The following SEC14L2 variants were observed in gnomAD, a reference collection of about 807,000 sequenced individuals.
SEC14L2 encodes SEC14 like lipid binding 2, also known as SEC14-like protein 2.
A neutral mutation model predicts 56.9 loss-of-function variants in SEC14L2; 50 were observed. That is an observed-to-expected ratio of 0.88 (90% CI 0.70 to 1.11). SEC14L2 has a LOEUF of 1.11. SEC14L2 is among the 50% of genes most tolerant of loss of function. The pLI, the probability that SEC14L2 is intolerant of heterozygous loss-of-function variation, is 0.00. For synonymous variants in SEC14L2, 179 were observed against 188.5 expected (o/e 0.95, Z 0.41); for missense variants, 414 against 500.7 (o/e 0.83, Z 1.65).
Position 30,415,976 on chromosome 22 carries a change from A to C in SEC14L2, c.800A>C (p.Lys267Thr), listed in dbSNP as rs1934378562. ...AACTACGGGGGTGACATCCCCAGGA[A>C]GTATTATGTGCGAGACCAGGTGAAA... ...KINYGGDIPR[K>T]YYVRDQVKQQ... Residue 267 changes from lysine to threonine, a missense_variant, in exon 10 of 12, where the codon AAG (lysine) becomes ACG (threonine). Transcript: ENST00000615189. 1.2e-6 allele frequency: 2 copies of C among 1,614,076 alleles called. No individual in the cohort carries two copies. The highest frequency in any genetic ancestry group is 1.1e-5 in the South Asian group (1 of 91,086).
At position 30,407,538 on chromosome 22, in the gene SEC14L2, C is replaced by T; in HGVS notation, c.358C>T (p.Leu120=). ...GCTGTTCTCAGCCTCCAAACAGGAC[C>T]TGCTGAGGACCAAGATGCGGGAGTG... ...GLLFSASKQD[L]LRTKMRECEL... The change falls in exon 5 of 12, where the codon CTG becomes TTG. Residue 120 remains leucine (L), a synonymous_variant. Coordinates refer to ENST00000615189, the MANE Select transcript of SEC14L2 (RefSeq NM_012429.5). The T allele has an allele frequency of 1.2e-6, 2 of 1,614,136 alleles. No individual in the cohort carries two copies. The highest frequency in any genetic ancestry group is 1.7e-6 in the Non-Finnish European group (2 of 1,180,010).
Position 30,410,820 on chromosome 22 carries a change from G to A in SEC14L2, c.664+141G>A, listed in dbSNP as rs570354515. ...GCAGTGGGACCCAGGAGCAAGCTGG[G>A]GTGGAGCTAGTGCCTTCTTCTGTTT... On this transcript the variant is annotated intron_variant, in intron 8 of 11. Coordinates refer to ENST00000615189, the MANE Select transcript of SEC14L2 (RefSeq NM_012429.5). 9.3e-5 allele frequency: 66 copies of A among 711,518 alleles called. No individual in the cohort carries two copies. In the African/African-American group the frequency reaches 1.0e-3, roughly 11 times the overall value. 44.1% of individuals were successfully genotyped at this position (711,518 alleles called of 1,614,324 possible).
intron 2 of SEC14L2, among the ~76,000 whole-genome samples, 173 bp from the exon 3 acceptor site, chr22:30,406,169 G>T (rs1034021744): frequency 2.0e-5 from 3 of 151,896 alleles, no homozygotes; most frequent in Admixed American, 2.0e-4. Flanking sequence ...TGGTGCCCCA[G>T]AAGTTCTCAG....
chr22:30,406,238 G>A (rs2146018838), intron 2 of SEC14L2, 104 bp from the exon 3 acceptor site: 1 of 1,081,344 alleles, frequency 9.2e-7, no homozygotes, highest in East Asian at 2.4e-5. Flanking sequence ...CTGGAGAGAT[G>A]ACTGAGAGGA....
chr22:30,407,631 AG>A, intron 5 of SEC14L2, 28 bp downstream of exon 5: 1 of 1,601,238 alleles, frequency 6.2e-7, no homozygotes, highest in Non-Finnish European at 8.5e-7. Context: ...GCTAGAAATG[AG>A]TTGACCACAG....
chr22:30,397,048 T>G lies in SEC14L2; in HGVS notation c.-69T>G. 7.2e-7 allele frequency: 1 copy of G among 1,385,824 alleles called. No homozygotes were observed. Among genetic ancestry groups the G allele is most frequent in the Non-Finnish European group, 1.0e-6 (1 of 1,000,322 alleles). 85.8% of individuals were successfully genotyped at this position (1,385,824 alleles called of 1,614,324 possible). The stretch of plus-strand genomic sequence containing the variant: ...TACTCCGGGTGGCGGCGAGGACGAG[T>G]CTGTGCTCCATCAGCTGCCGCACCC... On this transcript the variant is annotated 5_prime_UTR_variant, in exon 1 of 12. Transcript: ENST00000615189.
intron 8 of SEC14L2, among the ~76,000 whole-genome samples, chr22:30,411,912 G>A (rs557791002): frequency 4.6e-5 from 7 of 152,264 alleles, no homozygotes; most frequent in Admixed American, 1.3e-4. Flanking sequence ...GGAAGGGGGT[G>A]ATGCCTACCT....
rs1934614690 is a variant in SEC14L2, at chr22:30,424,436, G to C, written c.*2029G>C. 5.9e-6 allele frequency: 2 copies of C among 339,126 alleles called. No homozygotes were observed. Among genetic ancestry groups the C allele is most frequent in the African/African-American group, 4.3e-5 (2 of 46,296 alleles). The allele number at this position is 339,126 out of a possible 1,614,324, so 21.0% of individuals were successfully genotyped here. A position where few individuals can be genotyped will look rare whatever the true frequency, so the allele number is the denominator to read the frequency against. ...ACAGAGGCGCCTAGGGCTGAAAGCG[G>C]GGGCCTCCGTAGGGAGCCAGCGGGG... is the stretch of plus-strand genomic sequence containing the variant. On this transcript the variant is annotated 3_prime_UTR_variant, in exon 12 of 12. Coordinates refer to ENST00000615189, the MANE Select transcript of SEC14L2 (RefSeq NM_012429.5).
chr22:30,411,281 A>G (rs998498489), intron 8 of SEC14L2, among the ~76,000 whole-genome samples: 2 of 151,984 alleles, frequency 1.3e-5, no homozygotes, highest in African/African-American at 4.8e-5. Flanking sequence ...ACCTAGAGAG[A>G]GAAAGCTATG....
intron 8 of SEC14L2, among the ~76,000 whole-genome samples, chr22:30,411,299 C>G (rs1424064916): frequency 6.6e-6 from 1 of 151,898 alleles, no homozygotes; most frequent in African/African-American, 2.4e-5. Context: ...ATGATATAAA[C>G]TAGAAAAGAC....
At position 30,409,184 on chromosome 22, in the gene SEC14L2, C is replaced by T; in HGVS notation, c.424-3C>T. On this transcript the variant is annotated splice_region_variant and splice_polypyrimidine_tract_variant and intron_variant, in intron 5 of 11. Coordinates refer to ENST00000615189, the MANE Select transcript of SEC14L2 (RefSeq NM_012429.5). Reference sequence around the variant, plus strand: ...AAGACTTCCTGCTCTCTGTTCCCTGCAGTTGGGGAGGAAGGTGGAGACCAT... The same window carrying T: ...AAGACTTCCTGCTCTCTGTTCCCTGTAGTTGGGGAGGAAGGTGGAGACCAT... 6.2e-7 allele frequency: 1 copy of T among 1,613,376 alleles called. No individual in the cohort carries two copies. The highest frequency in any genetic ancestry group is 1.1e-5 in the South Asian group (1 of 91,074).
At chr22:30,410,451 C>A in intron 7 of SEC14L2, 145 bp from the exon 8 acceptor site, 1 of 688,340 alleles carries the variant, frequency 1.5e-6, no homozygotes, top group South Asian at 1.7e-5. Flanking sequence ...GCTGCACACC[C>A]TGGGCTGCCT....
rs377216674 is a variant in SEC14L2, at chr22:30,422,234, C to T, written c.1082-43C>T. The T allele has an allele frequency of 1.7e-4, 275 of 1,610,642 alleles. 2 individuals are homozygous for T. The South Asian group carries it at 2.9e-3, about 17-fold the overall frequency. ...AAAATCACTGTCCCCAAGCCCTTTG[C>T]CAGAACTGCCTGAATGTCTGTCTGG... is the stretch of plus-strand genomic sequence containing the variant. On this transcript the variant is annotated intron_variant, in intron 11 of 11. Coordinates refer to ENST00000615189, the MANE Select transcript of SEC14L2 (RefSeq NM_012429.5).
At chr22:30,408,889 G>C in intron 5 of SEC14L2, 1 of 456,776 alleles carries the variant, frequency 2.2e-6, no homozygotes, top group South Asian at 2.0e-5. Context: ...AGAGCACACA[G>C]TGACTCAGGA....
chr22:30,408,266 A>T (rs549936187), intron 5 of SEC14L2, among the ~76,000 whole-genome samples: 8 of 152,262 alleles, frequency 5.3e-5, no homozygotes, highest in Admixed American at 5.2e-4. Context: ...GGTGCAAATG[A>T]TGTCAGATTC....
intron 1 of SEC14L2, chr22:30,398,690 C>T (rs1401347023): frequency 2.1e-6 from 1 of 471,472 alleles, no homozygotes; most frequent in Non-Finnish European, 4.4e-6. Context: ...AGCACAAATG[C>T]CATGTTTTAT....
intron 1 of SEC14L2, 26 bp downstream of exon 1, chr22:30,397,196 C>T: frequency 6.7e-7 from 1 of 1,503,592 alleles, no homozygotes; most frequent in Non-Finnish European, 8.9e-7. Flanking sequence ...GGCCCGGGCT[C>T]CCGCCTCGGG....
At chr22:30,398,134 G>A (rs1328756268) in intron 1 of SEC14L2, among the ~76,000 whole-genome samples, 3 of 152,220 alleles carry the variant, frequency 2.0e-5, no homozygotes, top group Non-Finnish European at 4.4e-5. Flanking sequence ...GCTCCATAAA[G>A]CCTCTGTCCC....
chr22:30,414,412 CAG>C (rs1345564646), intron 8 of SEC14L2, among the ~76,000 whole-genome samples: 7 of 152,142 alleles, frequency 4.6e-5, no homozygotes, highest in Non-Finnish European at 8.8e-5. Context: ...GAATTTTCAA[CAG>C]AGGGGGGAGA....
Sources: allele counts gnomAD v4.1 joint callset (sites outside exome capture counted in the v4.1 genomes callset), GRCh38; gene constraint gnomAD v4.1.1; transcripts MANE v1.5; gene names NCBI Gene and HGNC (gene_info 2026-07-23, HGNC 2026-07-21).